PAN3: variants seen among roughly 807,000 people sequenced by gnomAD.
PAN3 encodes the protein poly(A) specific ribonuclease subunit PAN3, also known as PAN2-PAN3 deadenylation complex subunit PAN3.
Under a neutral mutation model 96.2 loss-of-function variants are expected in PAN3, and 19 were observed. The ratio of observed to expected loss-of-function variants is 0.20; its 90% CI spans 0.14 to 0.29. The LOEUF (loss-of-function observed/expected upper bound fraction) is 0.29. Ranked by LOEUF, PAN3 falls within the 10% of genes least tolerant of loss-of-function variation. The pLI is 1.00. For synonymous variants in PAN3, 433 were observed against 406.6 expected (o/e 1.06, Z -0.78); for missense variants, 882 against 1,108.1 (o/e 0.80, Z 2.90).
chr13:28,216,071 GT>G (rs1048926240), intron 5 of PAN3, among the ~76,000 whole-genome samples: 1 of 148,022 alleles, frequency 6.8e-6, no homozygotes, highest in Non-Finnish European at 1.5e-5. Flanking sequence ...CTTCATTTTT[GT>G]TTTTTTTCTT....
At chr13:28,195,571 T>C (rs1366230220) in intron 4 of PAN3, among the ~76,000 whole-genome samples, 1 of 152,204 alleles carries the variant, frequency 6.6e-6, no homozygotes, top group Non-Finnish European at 1.5e-5. Flanking sequence ...AGTCTCACTC[T>C]GTGGCCCAGG....
intron 17 of PAN3, among the ~76,000 whole-genome samples, chr13:28,285,860 G>C (rs1407793318): frequency 6.6e-6 from 1 of 151,778 alleles, no homozygotes; most frequent in Admixed American, 6.6e-5. Flanking sequence ...GTTTCTCTGA[G>C]GCCGTCAGTT....
At chr13:28,267,240 T>C in intron 11 of PAN3, 29 bp downstream of exon 11, 2 of 1,611,588 alleles carry the variant, frequency 1.2e-6, no homozygotes, top group Non-Finnish European at 1.7e-6. Context: ...GTCTTTCTGC[T>C]GGTGAGCTTC....
At chr13:28,244,564 A>G (rs573880554) in intron 6 of PAN3, among the ~76,000 whole-genome samples, 22 of 152,228 alleles carry the variant, frequency 1.4e-4, no homozygotes, top group African/African-American at 5.1e-4. Flanking sequence ...GACTTTATAT[A>G]TACATATTTG....
At chr13:28,218,970 G>A (rs969535958) in intron 5 of PAN3, among the ~76,000 whole-genome samples, 13 of 152,018 alleles carry the variant, frequency 8.6e-5, no homozygotes, top group Admixed American at 1.3e-4. Flanking sequence ...GGGACATACC[G>A]GCCCTGACAT....
intron 12 of PAN3, among the ~76,000 whole-genome samples, chr13:28,267,910 T>C (rs1886318174): frequency 6.6e-6 from 1 of 152,136 alleles, no homozygotes; most frequent in Admixed American, 6.6e-5. Context: ...AAAAGAAATA[T>C]GTCAAAGAAA....
intron 6 of PAN3, among the ~76,000 whole-genome samples, chr13:28,247,831 T>C (rs976522410): frequency 2.0e-5 from 3 of 152,222 alleles, no homozygotes; most frequent in African/African-American, 7.2e-5. Flanking sequence ...ACTGTGACTT[T>C]GTAATATATT....
chr13:28,142,187 G>A (rs1377724164), intron 1 of PAN3, among the ~76,000 whole-genome samples: 1 of 152,166 alleles, frequency 6.6e-6, no homozygotes, highest in African/African-American at 2.4e-5. Flanking sequence ...CAAGGAGTGG[G>A]AAATAATGTT....
At chr13:28,263,472 A>G (rs1310856127) in intron 9 of PAN3, among the ~76,000 whole-genome samples, 1 of 152,228 alleles carries the variant, frequency 6.6e-6, no homozygotes, top group Admixed American at 6.5e-5. Context: ...AGCTGGGACT[A>G]CAGGTGTACA....
chr13:28,246,533 C>T (rs1251847738), intron 6 of PAN3, among the ~76,000 whole-genome samples: 1 of 152,104 alleles, frequency 6.6e-6, no homozygotes, highest in East Asian at 1.9e-4. Flanking sequence ...CTTATTCCTT[C>T]TAACTGTATT....
chr13:28,189,264 T>C (rs1269778669), intron 4 of PAN3, among the ~76,000 whole-genome samples: 7 of 152,124 alleles, frequency 4.6e-5, no homozygotes, highest in Non-Finnish European at 1.0e-4. Flanking sequence ...ACGCCTGTAA[T>C]CCCAGCACTT....
At chr13:28,171,663 C>T (rs774319243) in intron 1 of PAN3, among the ~76,000 whole-genome samples, 1 of 152,074 alleles carries the variant, frequency 6.6e-6, no homozygotes, top group African/African-American at 2.4e-5. Context: ...GATCTTTTTT[C>T]TCTGTGGAGT....
At chr13:28,223,550 T>G (rs1272119236) in intron 6 of PAN3, among the ~76,000 whole-genome samples, 1 of 120,060 alleles carries the variant, frequency 8.3e-6, no homozygotes, top group Non-Finnish European at 1.7e-5. Context: ...AGAACCACTG[T>G]TTTTTTTTTT....
intron 6 of PAN3, among the ~76,000 whole-genome samples, chr13:28,248,830 G>A (rs528264482): frequency 6.6e-5 from 10 of 152,248 alleles, no homozygotes; most frequent in Middle Eastern, 3.4e-3. Context: ...CATTCGATAT[G>A]GTGTTAGCTG....
intron 4 of PAN3, among the ~76,000 whole-genome samples, chr13:28,192,736 C>T (rs1008253440): frequency 1.4e-4 from 21 of 152,180 alleles, no homozygotes; most frequent in African/African-American, 4.8e-4. Flanking sequence ...ATACTTAGAA[C>T]AGTTCCTGAT....
chr13:28,236,946 C>G (rs1038123742), intron 6 of PAN3, among the ~76,000 whole-genome samples: 9 of 152,162 alleles, frequency 5.9e-5, no homozygotes, highest in African/African-American at 2.2e-4. Context: ...TAAATATCAG[C>G]TCTCTAAAAG....
At chr13:28,251,753 C>G (rs1251292116) in intron 6 of PAN3, among the ~76,000 whole-genome samples, 2 of 152,040 alleles carry the variant, frequency 1.3e-5, no homozygotes, top group Non-Finnish European at 2.9e-5. Context: ...ATTTCGTGTA[C>G]CCTTGTGGGC....
intron 13 of PAN3, 131 bp from the exon 14 acceptor site, chr13:28,271,850 G>A: frequency 1.9e-6 from 1 of 536,722 alleles, no homozygotes; most frequent in Non-Finnish European, 3.2e-6. Flanking sequence ...GAGGTGGTGT[G>A]GGGTAGGATG....
intron 6 of PAN3, among the ~76,000 whole-genome samples, chr13:28,241,433 C>G (rs1041165163): frequency 6.6e-6 from 1 of 151,998 alleles, no homozygotes; most frequent in African/African-American, 2.4e-5. Flanking sequence ...GCTGAAATAC[C>G]TTCCTTAAAC....
Sources: allele counts gnomAD v4.1 joint callset (sites outside exome capture counted in the v4.1 genomes callset), GRCh38; gene constraint gnomAD v4.1.1; transcripts MANE v1.5; gene names NCBI Gene and HGNC (gene_info 2026-07-23, HGNC 2026-07-21).